The following FUZ variants were observed in gnomAD, a reference collection of about 807,000 sequenced individuals.
The protein encoded by FUZ is fuzzy planar cell polarity protein.
FUZ carries 31 observed loss-of-function variants against 43.1 expected under a neutral mutation model. That is an observed-to-expected ratio of 0.72 (90% confidence interval 0.54 to 0.97). The LOEUF (loss-of-function observed/expected upper bound fraction) is 0.97. FUZ is among the 50% of genes least tolerant of loss of function. FUZ has a pLI of 0.00. For synonymous variants in FUZ, 274 were observed against 250.0 expected, an observed-to-expected ratio of 1.10 and a Z score of -0.91; for missense variants, 539 against 543.8, an observed-to-expected ratio of 0.99 and a Z score of 0.09.
Position 49,809,265 on chromosome 19 carries a change from C to T in FUZ, c.691-7G>A, listed in dbSNP as rs1191082424. Reference sequence around the variant, plus strand: ...TCAGGAGCCGGTGTGGGACCTGAAGCAGGGCACAGGCTGGGGCTCATCGCG... The same window carrying T: ...TCAGGAGCCGGTGTGGGACCTGAAGTAGGGCACAGGCTGGGGCTCATCGCG... On this transcript the variant is annotated splice_region_variant and splice_polypyrimidine_tract_variant and intron_variant, in intron 6 of 10. Transcript: ENST00000313777. The surrounding 1 kb of genome is among the most constrained non-coding windows in gnomAD (Gnocchi z 5.1). 6.4e-7 allele frequency: 1 copy of T among 1,550,666 alleles called. No individual in the cohort carries two copies. Among genetic ancestry groups the T allele is most frequent in the African/African-American group, 1.4e-5 (1 of 73,022 alleles).
intron 5 of FUZ, among the ~76,000 whole-genome samples, chr19:49,810,130 A>T (rs1486248760): frequency 6.6e-6 from 1 of 152,202 alleles, no homozygotes; most frequent in Non-Finnish European, 1.5e-5. Flanking sequence ...TTCAAACACC[A>T]GGCTGAGGAG....
At chr19:49,808,528 G>C in intron 9 of FUZ, 40 bp from the exon 10 acceptor site, 1 of 1,596,716 alleles carries the variant, frequency 6.3e-7, no homozygotes, top group Non-Finnish European at 8.5e-7. Flanking sequence ...GCGCCTCCCC[G>C]GCCCACGCCC....
rs2073528796 is a variant in FUZ at position 49,808,476 on chromosome 19, T to C, written c.971A>G (p.Glu324Gly). 1 of 1,612,140 alleles carries C rather than the reference T, an allele frequency of 6.2e-7. No individual in the cohort carries two copies. The highest frequency in any genetic ancestry group is 1.7e-5 in the Admixed American group (1 of 59,898). The change falls in exon 10 of 11, where the codon GAA (glutamate) becomes GGA (glycine). Residue 324 changes from glutamate to glycine, a missense_variant. Coordinates refer to ENST00000313777, the MANE Select transcript of FUZ (RefSeq NM_025129.5). ...GTTTCGGAGGAGGCGCCGGCGCTGT[T>C]CTGGTGAAGGCTCTGCTGGGAGGAA... ...EPLGDKEPSPEQRRRLLRNFY... is the reference protein window; with the variant it reads ...EPLGDKEPSPGQRRRLLRNFY...
rs765257649 is a variant in FUZ, at chr19:49,813,081, G to A, written c.26C>T (p.Thr9Ile). Residue 9 changes from threonine (T) to isoleucine (I), a missense_variant, in exon 1 of 11, where the codon ACT (threonine) becomes ATT (isoleucine). Physicochemically the swap from Thr to Ile is moderately conservative, Grantham distance 89. Transcript: ENST00000313777. ...GGCCGCGAGGCACAGCAGATGCACA[G>A]TGCCGCCCGTCCCCTCCTCCCCCAT... MGEEGTGG[T>I]VHLLCLAASS... 72 of 1,551,266 alleles carry A rather than the reference G, an allele frequency of 4.6e-5. No homozygotes were observed. Among genetic ancestry groups the A allele is most frequent in the Non-Finnish European group, 6.1e-5 (70 of 1,146,960 alleles).
Position 49,809,515 on chromosome 19 carries a change from C to T in FUZ, c.553G>A (p.Gly185Ser), listed in dbSNP as rs758270139. Residue 185 changes from glycine (G) to serine (S), a missense_variant, in exon 6 of 11, where the codon GGC becomes AGC. Physicochemically the swap from Gly to Ser is moderately conservative, Grantham distance 56. Transcript: ENST00000313777. The surrounding 1 kb of genome is among the most constrained non-coding windows in gnomAD (Gnocchi z 5.1). ...CCCTCTGTTGCTGCCACCACCCGGCCGGACACCACCAGACTGACGAAGGTC... is the reference window on the plus strand; with the variant it reads ...CCCTCTGTTGCTGCCACCACCCGGCTGGACACCACCAGACTGACGAAGGTC... ...GTTFVSLVVS[G>S]RVVAATEGWW... 5.0e-6 allele frequency: 8 copies of T among 1,598,874 alleles called. No homozygotes were observed. The highest frequency in any genetic ancestry group is 6.0e-6 in the Non-Finnish European group (7 of 1,176,306).
Position 49,809,694 on chromosome 19 carries a change from G to T in FUZ, c.493-119C>A. The T allele has an allele frequency of 1.0e-6, 1 of 1,001,482 alleles. No homozygotes were observed. The highest frequency in any genetic ancestry group is 1.5e-6 in the Non-Finnish European group (1 of 664,198). The allele number at this position is 1,001,482 out of a possible 1,614,324, so 62.0% of individuals were successfully genotyped here. A position where few individuals can be genotyped will look rare whatever the true frequency, so the allele number is the denominator to read the frequency against. ...CAGCCAGCCCCGAGCTCGCGCAGTG[G>T]CCATGCTCCTACGTCTCACCCTCTC... On this transcript the variant is annotated intron_variant, in intron 5 of 10. Transcript: ENST00000313777. The surrounding 1 kb of genome is among the most constrained non-coding windows in gnomAD (Gnocchi z 5.1).
rs1428979711 is a variant in FUZ, at chr19:49,809,852, C to T, written c.493-277G>A. The T allele has an allele frequency of 1.8e-6, 1 of 544,472 alleles. No homozygotes were observed. Among genetic ancestry groups the T allele is most frequent in the Non-Finnish European group, 3.3e-6 (1 of 300,392 alleles). The allele number at this position is 544,472 out of a possible 1,614,324, so 33.7% of individuals were successfully genotyped here. A position where few individuals can be genotyped will look rare whatever the true frequency, so the allele number is the denominator to read the frequency against. On this transcript the variant is annotated intron_variant, in intron 5 of 10. Transcript: ENST00000313777. This position sits in a 1 kb window ranked among gnomAD's most constrained non-coding sequence, Gnocchi z 5.1. ...TAATGTAACCGCAGCAGCTACCGTTCATCCAGGCCTGTTACATGCCGAGTA... is the reference window on the plus strand; with the variant it reads ...TAATGTAACCGCAGCAGCTACCGTTTATCCAGGCCTGTTACATGCCGAGTA...
At chr19:49,812,585 T>C in intron 2 of FUZ, 30 bp downstream of exon 2, 3 of 1,613,942 alleles carry the variant, frequency 1.9e-6, no homozygotes, top group Non-Finnish European at 1.7e-6. Flanking sequence ...ACCCAGGCCC[T>C]GTCCCTGTCC....
intron 5 of FUZ, among the ~76,000 whole-genome samples, chr19:49,810,593 C>G (rs996456541): frequency 6.7e-6 from 1 of 148,350 alleles, no homozygotes; most frequent in African/African-American, 2.5e-5. Flanking sequence ...GCAGGGGAAT[C>G]GTTTGAACCC....
rs2073593159 is a variant in FUZ, at chr19:49,808,948, G to C, written c.787-125C>G. The C allele has an allele frequency of 5.0e-5, 45 of 899,996 alleles. No homozygotes were observed. The South Asian group carries it at 6.2e-4, about 12-fold the overall frequency. The allele number at this position is 899,996 out of a possible 1,614,324, so 55.8% of individuals were successfully genotyped here. On this transcript the variant is annotated intron_variant, in intron 7 of 10. Transcript: ENST00000313777. ...GGCGGGGCCTGCAAGAAGAGTGGAG[G>C]GCGGAGGGCAGAAGGGACTGGGGAA...
In FUZ at chr19:49,808,409, C is replaced by T. The variant is rs2073523738; in HGVS notation, c.1033+5G>A. ...CGCAGTGGGAGCACTGTGCCTTCCG[C>T]TGACCTGGTGGGAAGTGCGTGGAGG... On this transcript the variant is annotated splice_donor_5th_base_variant and intron_variant, in intron 10 of 10. Transcript: ENST00000313777. 1.9e-6 allele frequency: 3 copies of T among 1,611,108 alleles called. No individual in the cohort carries two copies. Among genetic ancestry groups the T allele is most frequent in the Non-Finnish European group, 1.7e-6 (2 of 1,179,046 alleles).
chr19:49,811,166 A>C, intron 5 of FUZ, 197 bp downstream of exon 5: 1 of 657,792 alleles, frequency 1.5e-6, no homozygotes, highest in Non-Finnish European at 2.7e-6. Flanking sequence ...AAAAAGAGAG[A>C]AAGAAAAGAA....
At position 49,807,048 on chromosome 19, in the gene FUZ, C is replaced by T. The variant is rs2073418746; in HGVS notation, c.*103G>A. 1 of 1,551,152 alleles carries T rather than the reference C, an allele frequency of 6.4e-7. No individual in the cohort carries two copies. The highest frequency in any genetic ancestry group is 2.4e-5 in the East Asian group (1 of 42,050). ...CCTCCCACCCCACCCTGTTGTAGCC[C>T]CTCCTACCCCCTCCCCATCCAGGGG... On this transcript the variant is annotated 3_prime_UTR_variant, in exon 11 of 11. Transcript: ENST00000313777.
chr19:49,809,782 G>A lies in FUZ; in HGVS notation c.493-207C>T. On this transcript the variant is annotated intron_variant, in intron 5 of 10. Coordinates refer to ENST00000313777, the MANE Select transcript of FUZ (RefSeq NM_025129.5). This position sits in a 1 kb window ranked among gnomAD's most constrained non-coding sequence, Gnocchi z 5.1. ...CCCCAACTCACACTGTGAAGTCTGT[G>A]AAATCTGATTAAACATCTAGCCTGG... 1.6e-6 allele frequency: 1 copy of A among 616,942 alleles called. No homozygotes were observed. Among genetic ancestry groups the A allele is most frequent in the Non-Finnish European group, 2.9e-6 (1 of 346,394 alleles). 38.2% of individuals were successfully genotyped at this position (616,942 alleles called of 1,614,324 possible).
chr19:49,812,707 A>G lies in FUZ; in HGVS notation c.141T>C (p.Asn47=), dbSNP rs2073850150. Residue 47 remains asparagine (N), a synonymous_variant, in exon 2 of 11, where the codon AAT becomes AAC. Transcript: ENST00000313777. ...GATTCTGCCCAAACATGTGGACTCC[A>G]TTGAGGGAACCGATGACAGAGAACG... ...QLPFSVIGSL[N]GVHMFGQNLE... 1 of 1,613,920 alleles carries G rather than the reference A, an allele frequency of 6.2e-7. No individual in the cohort carries two copies. The highest frequency in any genetic ancestry group is 1.3e-5 in the African/African-American group (1 of 74,892).
chr19:49,808,320 C>G lies in FUZ; in HGVS notation c.1033+94G>C, dbSNP rs528642796. ...TGGCCCAGTGCATACTGGGTTCCTC[C>G]GGATCCTCCAACCCCACCTCCTACT... is the stretch of plus-strand genomic sequence containing the variant. On this transcript the variant is annotated intron_variant, in intron 10 of 10. Transcript: ENST00000313777. 8 of 1,315,990 alleles carry G rather than the reference C, an allele frequency of 6.1e-6. No individual in the cohort carries two copies. The South Asian group carries it at 1.0e-4, about 17-fold the overall frequency. 81.5% of individuals were successfully genotyped at this position (1,315,990 alleles called of 1,614,324 possible).
intron 10 of FUZ, chr19:49,808,054 G>A: frequency 2.6e-6 from 1 of 380,854 alleles, no homozygotes; most frequent in Non-Finnish European, 5.0e-6. Flanking sequence ...CCACTCATGA[G>A]CTGAGCCTCA....
chr19:49,812,162 T>C (rs1600295586), intron 3 of FUZ, 89 bp downstream of exon 3: 2 of 854,384 alleles, frequency 2.3e-6, no homozygotes, highest in East Asian at 5.2e-5. Context: ...AAGGAAGTGT[T>C]GGTGGTCTGC....
chr19:49,813,152 G>T lies in FUZ; in HGVS notation c.-46C>A. On this transcript the variant is annotated 5_prime_UTR_variant, in exon 1 of 11. Coordinates refer to ENST00000313777, the MANE Select transcript of FUZ (RefSeq NM_025129.5). ...CCTCACGTGGGGACTGTCAGTGCGG[G>T]TCTTGGAGCATGGCGGTAATCAGAG... 6.8e-7 allele frequency: 1 copy of T among 1,477,214 alleles called. No individual in the cohort carries two copies. Among genetic ancestry groups the T allele is most frequent in the Non-Finnish European group, 9.3e-7 (1 of 1,080,028 alleles). The allele number at this position is 1,477,214 out of a possible 1,614,324, so 91.5% of individuals were successfully genotyped here.
Sources: gnomAD v4.1 joint callset for allele counts (sites outside exome capture counted in the v4.1 genomes callset) on GRCh38, gnomAD v4.1.1 for gene constraint, Gnocchi (gnomAD v3.1) non-coding constraint, MANE v1.5 for transcripts, NCBI Gene and HGNC (gene_info 2026-07-23, HGNC 2026-07-21) for gene names.